LYPLA1: variants seen among roughly 807,000 people sequenced by gnomAD.
The protein encoded by LYPLA1 is lysophospholipase 1.
Under a neutral mutation model 34.0 loss-of-function variants are expected in LYPLA1, and 17 were observed. The observed-to-expected ratio is 0.50, with a 90% CI of 0.34 to 0.75. LYPLA1 has a LOEUF of 0.75. Among genes scored for constraint, LYPLA1 ranks in the 30% least tolerant of loss-of-function variants. LYPLA1 has a pLI of 0.01. For missense variants in LYPLA1, 203 were observed against 288.8 expected (o/e 0.70, Z 2.15); for synonymous variants, 98 against 100.8 (o/e 0.97, Z 0.17).
At chr8:54,050,458 CAA>C (rs944541000) in intron 8 of LYPLA1, among the ~76,000 whole-genome samples, 1 of 152,210 alleles carries the variant, frequency 6.6e-6, no homozygotes. Flanking sequence ...CTTCTCAGCA[CAA>C]AGAGTCTCTG....
At chr8:54,099,008 T>C (rs1181447937) in intron 2 of LYPLA1, among the ~76,000 whole-genome samples, 2 of 152,228 alleles carry the variant, frequency 1.3e-5, no homozygotes, top group Non-Finnish European at 1.5e-5. Context: ...AGGATACTTT[T>C]TTAATATAAA....
At chr8:54,086,437 T>TAAAAAAAA (rs1808774324) in intron 2 of LYPLA1, among the ~76,000 whole-genome samples, 5 of 32,734 alleles carry the variant, frequency 1.5e-4, no homozygotes, top group African/African-American at 2.2e-4. Flanking sequence ...ACTAAAAAAA[T>TAAAAAAAA]TAAAAAAAAA....
At chr8:54,070,147 A>C (rs181268895) in intron 2 of LYPLA1, among the ~76,000 whole-genome samples, 218 of 152,322 alleles carry the variant, frequency 1.4e-3, no homozygotes, top group African/African-American at 4.9e-3. Flanking sequence ...TATACCGAAG[A>C]ATAGTGAAAA....
chr8:54,089,039 A>G (rs1486099882), intron 2 of LYPLA1, among the ~76,000 whole-genome samples: 1 of 152,238 alleles, frequency 6.6e-6, no homozygotes, highest in Non-Finnish European at 1.5e-5. Flanking sequence ...GAAACAGAAA[A>G]AGATAGTGGT....
intron 5 of LYPLA1, among the ~76,000 whole-genome samples, chr8:54,060,613 A>G (rs962548494): frequency 1.3e-5 from 2 of 151,916 alleles, no homozygotes; most frequent in African/African-American, 4.8e-5. Flanking sequence ...AGAAACACCT[A>G]GCTTGTAAAC....
At chr8:54,043,563 C>T (rs938715088), downstream of LYPLA1, among the ~76,000 whole-genome samples, 21 of 151,890 alleles carry the variant, frequency 1.4e-4, no homozygotes, top group Admixed American at 5.2e-4. Flanking sequence ...CATGAACCAC[C>T]GCACCTGACC....
At chr8:54,070,783 A>G (rs2129340277) in intron 2 of LYPLA1, among the ~76,000 whole-genome samples, 1 of 152,328 alleles carries the variant, frequency 6.6e-6, no homozygotes, top group Admixed American at 6.5e-5. Context: ...TGATTCAACA[A>G]TGAGAAGGAA....
chr8:54,094,129 T>C (rs1469877067), intron 2 of LYPLA1, among the ~76,000 whole-genome samples: 1 of 152,248 alleles, frequency 6.6e-6, no homozygotes, highest in East Asian at 1.9e-4. Context: ...ACTTATTTTA[T>C]CTTTCAAACA....
At chr8:54,057,206 A>G (rs758253979) in intron 5 of LYPLA1, among the ~76,000 whole-genome samples, 1 of 152,200 alleles carries the variant, frequency 6.6e-6, no homozygotes, top group Non-Finnish European at 1.5e-5. Context: ...AGGTTCCTCA[A>G]ATAACTAAAA....
chr8:54,092,259 A>G lies in LYPLA1; in HGVS notation c.101+8649T>C, dbSNP rs115878769. ...AAGGAGAAAGAAGGAAGAGAAGGAG[A>G]AGGAGGAGAAGGAGAAAGAAGGAAG... On this transcript the variant is annotated intron_variant, in intron 2 of 8. Transcript: ENST00000316963. Among the ~76,000 whole-genome samples, 172 of 141,392 alleles carry G rather than the reference A, an allele frequency of 1.2e-3. 1 individual carries two copies. Among genetic ancestry groups the G allele is most frequent in the African/African-American group, 4.3e-3 (161 of 37,840 alleles). The allele number at this position is 141,392 out of a possible 152,430, so 92.8% of individuals were successfully genotyped here.
chr8:54,098,574 C>T (rs904493929), intron 2 of LYPLA1, among the ~76,000 whole-genome samples: 4 of 151,802 alleles, frequency 2.6e-5, no homozygotes, highest in African/African-American at 9.7e-5. Flanking sequence ...TCAGCTACGC[C>T]GGAGGCCGAG....
chr8:54,072,925 A>G (rs1024987846), intron 2 of LYPLA1, among the ~76,000 whole-genome samples: 2 of 138,260 alleles, frequency 1.4e-5, no homozygotes, highest in Non-Finnish European at 3.0e-5. Flanking sequence ...CGACAGAGCA[A>G]GACTGAATCA....
intron 2 of LYPLA1, among the ~76,000 whole-genome samples, chr8:54,084,502 C>T (rs1472856878): frequency 6.6e-6 from 1 of 151,680 alleles, no homozygotes; most frequent in African/African-American, 2.4e-5. Context: ...ACCTGGGAGG[C>T]GGAGGTAGCA....
chr8:54,070,198 C>T (rs1210772920), intron 2 of LYPLA1, among the ~76,000 whole-genome samples: 1 of 152,152 alleles, frequency 6.6e-6, no homozygotes, highest in Non-Finnish European at 1.5e-5. Flanking sequence ...GCCTGTAAAC[C>T]CAGCTACTCG....
At chr8:54,097,589 A>T (rs1321493287) in intron 2 of LYPLA1, among the ~76,000 whole-genome samples, 3 of 152,222 alleles carry the variant, frequency 2.0e-5, no homozygotes, top group Non-Finnish European at 4.4e-5. Context: ...TTCTGTGATT[A>T]TATAATGTTT....
intron 4 of LYPLA1, among the ~76,000 whole-genome samples, chr8:54,062,660 T>C (rs1044498281): frequency 3.9e-5 from 6 of 152,100 alleles, no homozygotes; most frequent in African/African-American, 1.4e-4. Flanking sequence ...TACAGGTGCA[T>C]GCCACCACAC....
At chr8:54,098,630 G>A (rs1474211613) in intron 2 of LYPLA1, among the ~76,000 whole-genome samples, 1 of 151,256 alleles carries the variant, frequency 6.6e-6, no homozygotes, top group African/African-American at 2.4e-5. Context: ...GAAGGGAGCC[G>A]AGATCGTGCC....
At chr8:54,056,268 C>T (rs1806199687) in intron 5 of LYPLA1, among the ~76,000 whole-genome samples, 1 of 152,124 alleles carries the variant, frequency 6.6e-6, no homozygotes, top group Non-Finnish European at 1.5e-5. Flanking sequence ...TAAAATTAGA[C>T]CCTATCTCTT....
At chr8:54,071,838 C>CCT (rs748904309) in intron 2 of LYPLA1, among the ~76,000 whole-genome samples, 9 of 152,078 alleles carry the variant, frequency 5.9e-5, no homozygotes, top group Admixed American at 2.0e-4. Flanking sequence ...CAATGCTATT[C>CCT]CTATCAAACT....
Sources: allele counts gnomAD v4.1 joint callset (sites outside exome capture counted in the v4.1 genomes callset), GRCh38; gene constraint gnomAD v4.1.1; transcripts MANE v1.5; gene names NCBI Gene and HGNC (gene_info 2026-07-23, HGNC 2026-07-21).